UNC13C: variants seen among roughly 807,000 people sequenced by gnomAD.
The protein encoded by UNC13C is protein unc-13 homolog C.
UNC13C carries 174 observed loss-of-function variants against 245.4 expected under a neutral mutation model. That is an observed-to-expected ratio of 0.71 (90% CI 0.63 to 0.80). UNC13C has a LOEUF of 0.80. Among genes scored for constraint, UNC13C ranks in the 30% least tolerant of loss-of-function variants. The pLI is 0.00. For synonymous variants in UNC13C, 992 were observed against 895.1 expected (o/e 1.11, Z -1.93); for missense variants, 2,829 against 2,602.9 (o/e 1.09, Z -1.89).
chr15:54,454,727 C>G (rs1459825499), intron 19 of UNC13C, among the ~76,000 whole-genome samples: 1 of 152,072 alleles, frequency 6.6e-6, no homozygotes, highest in Admixed American at 6.6e-5. Context: ...GCTTCTTTCA[C>G]CCAACATAAT....
intron 4 of UNC13C, among the ~76,000 whole-genome samples, chr15:54,166,072 A>G (rs759793205): frequency 1.6e-4 from 24 of 152,060 alleles, no homozygotes; most frequent in Non-Finnish European, 3.1e-4. Flanking sequence ...TATTAAGGGT[A>G]TTTTTGGCTT....
the UNC13C span, chr15:53,910,865 A>G: frequency 3.9e-5 from 5 of 126,612 alleles, 1 homozygote; most frequent in South Asian, 2.8e-4. Context: ...CCAGACCTCA[A>G]CATGACCTTT....
At chr15:54,394,225 A>G (rs2040023423) in intron 18 of UNC13C, among the ~76,000 whole-genome samples, 1 of 151,890 alleles carries the variant, frequency 6.6e-6, no homozygotes, top group Admixed American at 6.6e-5. Flanking sequence ...TTAACCACCC[A>G]TTTTCAACAG....
chr15:54,290,333 A>G (rs2037264446), intron 10 of UNC13C, among the ~76,000 whole-genome samples: 1 of 152,076 alleles, frequency 6.6e-6, no homozygotes, highest in Non-Finnish European at 1.5e-5. Flanking sequence ...CAGGGCCTAG[A>G]GAAATGCTCT....
At chr15:53,961,764 A>G in the UNC13C span, among the ~76,000 whole-genome samples, 1 of 152,220 alleles carries the variant, frequency 6.6e-6, no homozygotes, top group Non-Finnish European at 1.5e-5. Context: ...TTTCCTATTT[A>G]CCACACACAT....
At chr15:54,169,371 C>T (rs915419833) in intron 4 of UNC13C, among the ~76,000 whole-genome samples, 7 of 152,120 alleles carry the variant, frequency 4.6e-5, no homozygotes, top group African/African-American at 1.4e-4. Flanking sequence ...TCCTAAATAT[C>T]GGATTTTCTC....
intron 2 of UNC13C, among the ~76,000 whole-genome samples, chr15:54,100,150 T>C (rs1331309043): frequency 6.6e-6 from 1 of 150,462 alleles, no homozygotes; most frequent in African/African-American, 2.4e-5. Flanking sequence ...CTTGCACTCC[T>C]CCAAGTACCT....
At chr15:54,356,099 T>C (rs771287642) in intron 17 of UNC13C, among the ~76,000 whole-genome samples, 19 of 152,212 alleles carry the variant, frequency 1.2e-4, no homozygotes, top group Non-Finnish European at 2.4e-4. Context: ...TTCCACTGAA[T>C]GGACATTTCA....
At chr15:54,147,288 C>T (rs571532876) in intron 4 of UNC13C, among the ~76,000 whole-genome samples, 3 of 150,958 alleles carry the variant, frequency 2.0e-5, no homozygotes, top group South Asian at 4.2e-4. Context: ...GGCACAATCT[C>T]GGCTCACTGC....
chr15:54,060,884 C>G (rs1419129315), intron 2 of UNC13C, among the ~76,000 whole-genome samples: 2 of 151,914 alleles, frequency 1.3e-5, no homozygotes, highest in African/African-American at 4.8e-5. Context: ...AACCAAACAC[C>G]GCAGTTCTCA....
intron 4 of UNC13C, among the ~76,000 whole-genome samples, chr15:54,192,216 A>T (rs534912856): frequency 6.6e-6 from 1 of 152,180 alleles, no homozygotes. Flanking sequence ...TTTCTTCCAG[A>T]AAAACTTTTT....
At chr15:54,471,215 T>C (rs1249740799) in intron 19 of UNC13C, among the ~76,000 whole-genome samples, 4 of 151,462 alleles carry the variant, frequency 2.6e-5, no homozygotes, top group Admixed American at 2.0e-4. Context: ...ATGTGTGTTA[T>C]GTCTGTTATA....
At chr15:54,365,563 T>G (rs2039345045) in intron 17 of UNC13C, among the ~76,000 whole-genome samples, 1 of 152,108 alleles carries the variant, frequency 6.6e-6, no homozygotes, top group African/African-American at 2.4e-5. Context: ...TAACTAATAT[T>G]CATAAGATAT....
chr15:54,057,792 T>C (rs967321796), intron 2 of UNC13C, among the ~76,000 whole-genome samples: 3 of 152,112 alleles, frequency 2.0e-5, no homozygotes, highest in Non-Finnish European at 4.4e-5. Context: ...AAACTAGAGC[T>C]CAGGATTAAG....
chr15:54,227,161 T>G (rs987831091), intron 4 of UNC13C, among the ~76,000 whole-genome samples: 2 of 152,138 alleles, frequency 1.3e-5, no homozygotes, highest in Non-Finnish European at 2.9e-5. Flanking sequence ...GCTCCTTTCC[T>G]CAGGCAGATC....
At chr15:53,983,450 G>A (rs922179712) in intron 1 of UNC13C, among the ~76,000 whole-genome samples, 12 of 151,942 alleles carry the variant, frequency 7.9e-5, no homozygotes, top group African/African-American at 2.9e-4. Flanking sequence ...TTGATTGGTA[G>A]GAGGCAAAAT....
chr15:54,612,091 T>A (rs1900133921), intron 30 of UNC13C, among the ~76,000 whole-genome samples: 1 of 151,996 alleles, frequency 6.6e-6, no homozygotes, highest in Non-Finnish European at 1.5e-5. Flanking sequence ...TTTTGAATAG[T>A]TTCATAATTG....
chr15:54,155,516 T>A (rs1483896444), intron 4 of UNC13C, among the ~76,000 whole-genome samples: 2 of 152,210 alleles, frequency 1.3e-5, no homozygotes, highest in Non-Finnish European at 2.9e-5. Flanking sequence ...TATTCACAAT[T>A]AAATATTCTT....
chr15:54,455,435 T>C (rs1437727423), intron 19 of UNC13C, among the ~76,000 whole-genome samples: 1 of 150,960 alleles, frequency 6.6e-6, no homozygotes, highest in Non-Finnish European at 1.5e-5. Context: ...GGAATCTCCA[T>C]ACTGTGTTTC....
Sources: allele counts gnomAD v4.1 joint callset (sites outside exome capture counted in the v4.1 genomes callset), GRCh38; gene constraint gnomAD v4.1.1; transcripts MANE v1.5; gene names NCBI Gene and HGNC (gene_info 2026-07-23, HGNC 2026-07-21).